TNFRSF13C: variants seen among roughly 807,000 people sequenced by gnomAD.
The protein encoded by TNFRSF13C is tumor necrosis factor receptor superfamily member 13C.
In TNFRSF13C, 7 loss-of-function variants were observed where a neutral mutation model predicts 12.1. That is an observed-to-expected ratio of 0.58 (90% CI 0.33 to 1.08). The LOEUF (loss-of-function observed/expected upper bound fraction) is 1.08, where lower values mean the gene tolerates loss of function less well. Among genes scored for constraint, TNFRSF13C ranks in the 50% least tolerant of loss-of-function variants. The pLI is 0.04. For synonymous variants in TNFRSF13C, 157 were observed against 130.8 expected, an observed-to-expected ratio of 1.20 and a Z score of -1.37; for missense variants, 260 against 265.9, an observed-to-expected ratio of 0.98 and a Z score of 0.15.
At chr22:41,925,648 G>C in intron 2 of TNFRSF13C, 94 bp from the exon 3 acceptor site, 1 of 1,489,356 alleles carries the variant, frequency 6.7e-7, no homozygotes, top group East Asian at 2.3e-5. Flanking sequence ...TCCGTCAAAT[G>C]AAGCCCAATG....
rs1408228920 is a variant in TNFRSF13C, at chr22:41,926,273, C to G, written c.195G>C (p.Ala65=). ...TALQPQESVG[A]GAGEAALPLP... is the part of the protein sequence containing the mutation. ...GGGGCAGCGCCGCCTCGCCGGCCCC[C>G]GCGCCCACCGACTCCTGCGGCTGCA... Residue 65 remains alanine (A), a synonymous_variant, in exon 2 of 3, where the codon GCG becomes GCC. Coordinates refer to ENST00000291232, the MANE Select transcript of TNFRSF13C (RefSeq NM_052945.4). The surrounding 1 kb of genome is among the most constrained non-coding windows in gnomAD (Gnocchi z 4.9). 5.4e-6 allele frequency: 8 copies of G among 1,489,896 alleles called. No individual in the cohort carries two copies. Among genetic ancestry groups the G allele is most frequent in the South Asian group, 2.5e-5 (2 of 78,678 alleles). The allele number at this position is 1,489,896 out of a possible 1,614,324, so 92.3% of individuals were successfully genotyped here. A position where few individuals can be genotyped will look rare whatever the true frequency, so the allele number is the denominator to read the frequency against.
Position 41,926,742 on chromosome 22 carries a change from C to A in TNFRSF13C, c.32G>T (p.Arg11Met). MRRGPRSLRG[R>M]DAPAPTPCVP... ...GCAGGGCGTGGGGGCTGGCGCGTCC[C>A]TGCCCCGCAGGCTCCGGGGCCCTCG... Residue 11 changes from arginine to methionine, a missense_variant, in exon 1 of 3, where the codon AGG (arginine) becomes ATG (methionine). By Grantham distance (91) the Arg-to-Met change is moderately conservative. Coordinates refer to ENST00000291232, the MANE Select transcript of TNFRSF13C (RefSeq NM_052945.4). This position sits in a 1 kb window ranked among gnomAD's most constrained non-coding sequence, Gnocchi z 4.9. The A allele has an allele frequency of 7.2e-7, 1 of 1,392,316 alleles. No individual in the cohort carries two copies. The highest frequency in any genetic ancestry group is 9.3e-7 in the Non-Finnish European group (1 of 1,076,292). The allele number at this position is 1,392,316 out of a possible 1,614,324, so 86.2% of individuals were successfully genotyped here.
At position 41,926,723 on chromosome 22, in the gene TNFRSF13C, C is replaced by T. The variant is rs988308951; in HGVS notation, c.51G>A (p.Thr17=). 2 of 1,436,932 alleles carry T rather than the reference C, an allele frequency of 1.4e-6. No homozygotes were observed. Among genetic ancestry groups the T allele is most frequent in the East Asian group, 3.0e-5 (1 of 32,896 alleles). 89.0% of individuals were successfully genotyped at this position (1,436,932 alleles called of 1,614,324 possible). Residue 17 remains threonine, a synonymous_variant, in exon 1 of 3, where the codon ACG becomes ACA. Transcript: ENST00000291232. The surrounding 1 kb of genome is among the most constrained non-coding windows in gnomAD (Gnocchi z 4.9). The part of the protein sequence containing the change: ...SLRGRDAPAP[T]PCVPAECFDL... The stretch of plus-strand genomic sequence containing the variant: ...CGAAGCACTCGGCCGGGACGCAGGG[C>T]GTGGGGGCTGGCGCGTCCCTGCCCC...
Position 41,926,482 on chromosome 22 carries a change from G to A in TNFRSF13C, c.137-151C>T. On this transcript the variant is annotated intron_variant, in intron 1 of 2. Transcript: ENST00000291232. This position sits in a 1 kb window ranked among gnomAD's most constrained non-coding sequence, Gnocchi z 4.9. ...GGGGAGGGAGAGAGGCGGCGGTGAG[G>A]GCCACGCGGTGATCGCGGGCCCCTC... is the stretch of plus-strand genomic sequence containing the variant. 2.6e-6 allele frequency: 3 copies of A among 1,148,540 alleles called. No homozygotes were observed. The South Asian group carries it at 6.6e-5, about 25-fold the overall frequency. The allele number at this position is 1,148,540 out of a possible 1,614,324, so 71.1% of individuals were successfully genotyped here.
chr22:41,925,498 C>T lies in TNFRSF13C; in HGVS notation c.424G>A (p.Ala142Thr), dbSNP rs367567995. 13 of 1,613,528 alleles carry T rather than the reference C, an allele frequency of 8.1e-6. No homozygotes were observed. Among genetic ancestry groups the T allele is most frequent in the Non-Finnish European group, 1.1e-5 (13 of 1,180,000 alleles). ...TCCCCAGGAGGAGGCCAGGCAGGAG[C>T]TGTGGCATCAGAGATTCCCGGAGAC... The part of the protein sequence containing the change: ...ILSPGISDAT[A>T]PAWPPPGEDP... The change falls in exon 3 of 3, where the codon GCT becomes ACT. Residue 142 changes from alanine (A) to threonine (T), a missense_variant. Coordinates refer to ENST00000291232, the MANE Select transcript of TNFRSF13C (RefSeq NM_052945.4).
rs975844151 is a variant in TNFRSF13C at position 41,923,736 on chromosome 22, T to G, written c.*1631A>C. The G allele has an allele frequency of 2.6e-5, 4 of 152,324 alleles. No individual in the cohort carries two copies. The highest frequency in any genetic ancestry group is 9.6e-5 in the African/African-American group (4 of 41,554). 9.4% of individuals were successfully genotyped at this position (152,324 alleles called of 1,614,324 possible). A position where few individuals can be genotyped will look rare whatever the true frequency, so the allele number is the denominator to read the frequency against. ...GTCTTGGAGCAGCTGGAACCCCAGG[T>G]GGACCCTGAGAGAGCTACCTGCCAG... is the stretch of plus-strand genomic sequence containing the variant. On this transcript the variant is annotated 3_prime_UTR_variant, in exon 3 of 3. Transcript: ENST00000291232.
chr22:41,925,507 C>A lies in TNFRSF13C; in HGVS notation c.415G>T (p.Asp139Tyr), dbSNP rs773739359. ...KVIILSPGIS[D>Y]ATAPAWPPPG... The stretch of plus-strand genomic sequence containing the variant: ...GGAGGCCAGGCAGGAGCTGTGGCAT[C>A]AGAGATTCCCGGAGACAGAATGATG... Residue 139 changes from aspartate to tyrosine, a missense_variant, in exon 3 of 3, where the codon GAT becomes TAT. Transcript: ENST00000291232. The A allele has an allele frequency of 3.1e-6, 5 of 1,613,512 alleles. No homozygotes were observed. The East Asian group carries it at 1.1e-4, about 36-fold the overall frequency.
At position 41,926,202 on chromosome 22, in the gene TNFRSF13C, A is replaced by T; in HGVS notation, c.266T>A (p.Leu89Gln). Residue 89 changes from leucine to glutamine, a missense_variant, in exon 2 of 3, where the codon CTG becomes CAG. Coordinates refer to ENST00000291232, the MANE Select transcript of TNFRSF13C (RefSeq NM_052945.4). This position sits in a 1 kb window ranked among gnomAD's most constrained non-coding sequence, Gnocchi z 4.9. ...ACCCACCAGGACCAGCGCCAGGACC[A>T]GTGCCAGGCCCAGCAGCGCGGGGGC... The part of the protein sequence containing the change: ...FGAPALLGLA[L>Q]VLALVLVGLV... The T allele has an allele frequency of 6.2e-7, 1 of 1,607,178 alleles. No individual in the cohort carries two copies.
chr22:41,926,460 G>T lies in TNFRSF13C; in HGVS notation c.137-129C>A, dbSNP rs986274291. The T allele has an allele frequency of 5.5e-6, 6 of 1,081,182 alleles. 1 individual carries two copies. The Admixed American group carries it at 1.3e-4, about 23-fold the overall frequency. 67.0% of individuals were successfully genotyped at this position (1,081,182 alleles called of 1,614,324 possible). On this transcript the variant is annotated intron_variant, in intron 1 of 2. Coordinates refer to ENST00000291232, the MANE Select transcript of TNFRSF13C (RefSeq NM_052945.4). This position sits in a 1 kb window ranked among gnomAD's most constrained non-coding sequence, Gnocchi z 4.9. ...ACAGCCGGGGGGCGGTGGACAAGGG[G>T]AGGGAGAGAGGCGGCGGTGAGGGCC...
Position 41,923,098 on chromosome 22 carries a change from G to C in TNFRSF13C, c.*2269C>G, listed in dbSNP as rs2077613486. On this transcript the variant is annotated 3_prime_UTR_variant, in exon 3 of 3. Transcript: ENST00000291232. ...CAAGCTGGGCACACAACAGGTCCTT[G>C]GGACAGGAAGCACTGAGTCCAGAGG... 6.5e-6 allele frequency: 1 copy of C among 153,786 alleles called. No homozygotes were observed. The highest frequency in any genetic ancestry group is 2.4e-5 in the African/African-American group (1 of 41,504). 9.5% of individuals were successfully genotyped at this position (153,786 alleles called of 1,614,324 possible). A position where few individuals can be genotyped will look rare whatever the true frequency, so the allele number is the denominator to read the frequency against.
Position 41,925,383 on chromosome 22 carries a change from C to T in TNFRSF13C, c.539G>A (p.Gly180Asp). 6.2e-7 allele frequency: 1 copy of T among 1,605,740 alleles called. No homozygotes were observed. Among genetic ancestry groups the T allele is most frequent in the Non-Finnish European group, 8.5e-7 (1 of 1,178,854 alleles). Residue 180 changes from glycine (G) to aspartate (D), a missense_variant, in exon 3 of 3, where the codon GGC becomes GAC. Physicochemically the swap from Gly to Asp is moderately conservative, Grantham distance 94. Coordinates refer to ENST00000291232, the MANE Select transcript of TNFRSF13C (RefSeq NM_052945.4). ...GGCTCCCTGCTATTGTTGCTCAGGGCCGGCCGTCTTGGTGGTCACCAGTTC... is the reference window on the plus strand; with the variant it reads ...GGCTCCCTGCTATTGTTGCTCAGGGTCGGCCGTCTTGGTGGTCACCAGTTC... ...STELVTTKTAGPEQQ is the reference protein window; with the variant it reads ...STELVTTKTADPEQQ
In TNFRSF13C at chr22:41,926,577, C is replaced by T; in HGVS notation, c.136+61G>A. 1 of 1,358,128 alleles carries T rather than the reference C, an allele frequency of 7.4e-7. No homozygotes were observed. Among genetic ancestry groups the T allele is most frequent in the East Asian group, 3.1e-5 (1 of 31,784 alleles). The allele number at this position is 1,358,128 out of a possible 1,614,324, so 84.1% of individuals were successfully genotyped here. A position where few individuals can be genotyped will look rare whatever the true frequency, so the allele number is the denominator to read the frequency against. ...GGTCGGGGCTCTGCCTGCGCCCTGG[C>T]GATCGGGGCCCCGTTCTCCCCGCAG... On this transcript the variant is annotated intron_variant, in intron 1 of 2. Coordinates refer to ENST00000291232, the MANE Select transcript of TNFRSF13C (RefSeq NM_052945.4). This position sits in a 1 kb window ranked among gnomAD's most constrained non-coding sequence, Gnocchi z 4.9.
At position 41,926,553 on chromosome 22, in the gene TNFRSF13C, G is replaced by A; in HGVS notation, c.136+85C>T. 2.3e-6 allele frequency: 3 copies of A among 1,325,450 alleles called. No individual in the cohort carries two copies. Among genetic ancestry groups the A allele is most frequent in the Non-Finnish European group, 2.9e-6 (3 of 1,041,068 alleles). The allele number at this position is 1,325,450 out of a possible 1,614,324, so 82.1% of individuals were successfully genotyped here. On this transcript the variant is annotated intron_variant, in intron 1 of 2. Coordinates refer to ENST00000291232, the MANE Select transcript of TNFRSF13C (RefSeq NM_052945.4). This position sits in a 1 kb window ranked among gnomAD's most constrained non-coding sequence, Gnocchi z 4.9. ...CTTTCAGCCCTCGGCGCCCCCGGGG[G>A]TCGGGGCTCTGCCTGCGCCCTGGCG...
rs552891065 is a variant in TNFRSF13C, at chr22:41,925,231, G to A, written c.*136C>T. ...GGGGCTGAATGCTGTGGTCTGTAGT[G>A]TCTGTGCTTCTGCAGAGTTAGCCTG... is the stretch of plus-strand genomic sequence containing the variant. On this transcript the variant is annotated 3_prime_UTR_variant, in exon 3 of 3. Coordinates refer to ENST00000291232, the MANE Select transcript of TNFRSF13C (RefSeq NM_052945.4). 2.3e-5 allele frequency: 22 copies of A among 968,244 alleles called. No homozygotes were observed. In the African/African-American group the frequency reaches 2.6e-4, roughly 12 times the overall value. 60.0% of individuals were successfully genotyped at this position (968,244 alleles called of 1,614,324 possible). A position where few individuals can be genotyped will look rare whatever the true frequency, so the allele number is the denominator to read the frequency against.
chr22:41,926,674 C>T lies in TNFRSF13C; in HGVS notation c.100G>A (p.Ala34Thr). The change falls in exon 1 of 3, where the codon GCC (alanine) becomes ACC (threonine). Residue 34 changes from alanine to threonine, a missense_variant. Ala to Thr is a moderately conservative substitution (Grantham distance 58). Coordinates refer to ENST00000291232, the MANE Select transcript of TNFRSF13C (RefSeq NM_052945.4). The surrounding 1 kb of genome is among the most constrained non-coding windows in gnomAD (Gnocchi z 4.9). ...CFDLLVRHCVACGLLRTPRPK... is the reference protein window; with the variant it reads ...CFDLLVRHCVTCGLLRTPRPK... Reference sequence around the variant, plus strand: ...CGCGGCGTGCGCAGGAGCCCGCAGGCCACGCAGTGGCGGACCAGCAGGTCG... The same window carrying T: ...CGCGGCGTGCGCAGGAGCCCGCAGGTCACGCAGTGGCGGACCAGCAGGTCG... 6.8e-7 allele frequency: 1 copy of T among 1,463,960 alleles called. No homozygotes were observed. The highest frequency in any genetic ancestry group is 9.0e-7 in the Non-Finnish European group (1 of 1,113,092). The allele number at this position is 1,463,960 out of a possible 1,614,324, so 90.7% of individuals were successfully genotyped here. A position where few individuals can be genotyped will look rare whatever the true frequency, so the allele number is the denominator to read the frequency against.
Position 41,926,439 on chromosome 22 carries a change from C to T in TNFRSF13C, c.137-108G>A. The T allele has an allele frequency of 2.1e-6, 2 of 939,806 alleles. No homozygotes were observed. The highest frequency in any genetic ancestry group is 2.9e-6 in the Non-Finnish European group (2 of 694,660). 58.2% of individuals were successfully genotyped at this position (939,806 alleles called of 1,614,324 possible). A position where few individuals can be genotyped will look rare whatever the true frequency, so the allele number is the denominator to read the frequency against. ...GGCTGGCCGGGGAGGGGAGGGACAG[C>T]CGGGGGGCGGTGGACAAGGGGAGGG... On this transcript the variant is annotated intron_variant, in intron 1 of 2. Coordinates refer to ENST00000291232, the MANE Select transcript of TNFRSF13C (RefSeq NM_052945.4). The surrounding 1 kb of genome is among the most constrained non-coding windows in gnomAD (Gnocchi z 4.9).
At position 41,926,322 on chromosome 22, in the gene TNFRSF13C, C is replaced by A; in HGVS notation, c.146G>T (p.Ser49Ile). Reference protein sequence around the residue: ...RTPRPKPAGASSPAPRTALQP... With the variant: ...RTPRPKPAGAISPAPRTALQP... ...CAGCGCCGTCCTGGGCGCAGGGCTG[C>A]TGGCCCCGGCTGCTTCGGGAGGGGA... Residue 49 changes from serine to isoleucine, a missense_variant, in exon 2 of 3, where the codon AGC (serine) becomes ATC (isoleucine). Physicochemically the swap from Ser to Ile is moderately radical, Grantham distance 142. Coordinates refer to ENST00000291232, the MANE Select transcript of TNFRSF13C (RefSeq NM_052945.4). The surrounding 1 kb of genome is among the most constrained non-coding windows in gnomAD (Gnocchi z 4.9). The A allele has an allele frequency of 7.1e-7, 1 of 1,404,480 alleles. No individual in the cohort carries two copies. The allele number at this position is 1,404,480 out of a possible 1,614,324, so 87.0% of individuals were successfully genotyped here. A position where few individuals can be genotyped will look rare whatever the true frequency, so the allele number is the denominator to read the frequency against.
In TNFRSF13C at chr22:41,926,033, C is replaced by A. The variant is rs573666251; in HGVS notation, c.367+68G>T. ...CCCCCTCAGGGGCCATGCATCTCCCCCTAGACCGTCCCGACACCCCAGCCC... is the reference window on the plus strand; with the variant it reads ...CCCCCTCAGGGGCCATGCATCTCCCACTAGACCGTCCCGACACCCCAGCCC... On this transcript the variant is annotated intron_variant, in intron 2 of 2. Transcript: ENST00000291232. This position sits in a 1 kb window ranked among gnomAD's most constrained non-coding sequence, Gnocchi z 4.9. The A allele has an allele frequency of 1.0e-4, 167 of 1,595,476 alleles. No homozygotes were observed. The African/African-American group carries it at 2.1e-3, about 20-fold the overall frequency.
chr22:41,922,741 G>C lies in TNFRSF13C; in HGVS notation c.*2626C>G, dbSNP rs1173049516. On this transcript the variant is annotated 3_prime_UTR_variant, in exon 3 of 3. Coordinates refer to ENST00000291232, the MANE Select transcript of TNFRSF13C (RefSeq NM_052945.4). ...ATGGGGTGGGAGATGGGGTGGCCAGGAGAAGATGGGGTGGGAGATGGGGTG... is the reference window on the plus strand; with the variant it reads ...ATGGGGTGGGAGATGGGGTGGCCAGCAGAAGATGGGGTGGGAGATGGGGTG... 1 of 140,024 alleles carries C rather than the reference G, an allele frequency of 7.1e-6. No individual in the cohort carries two copies. Among genetic ancestry groups the C allele is most frequent in the Non-Finnish European group, 1.5e-5 (1 of 64,558 alleles). The allele number at this position is 140,024 out of a possible 1,614,324, so 8.7% of individuals were successfully genotyped here.
Sources: allele counts gnomAD v4.1 joint callset, GRCh38; gene constraint gnomAD v4.1.1; non-coding constraint Gnocchi (gnomAD v3.1); transcripts MANE v1.5; gene names NCBI Gene and HGNC (gene_info 2026-07-23, HGNC 2026-07-21).